ZCCHC4: variants seen among roughly 807,000 people sequenced by gnomAD.
The protein encoded by ZCCHC4 is rRNA N(6)-adenosine-methyltransferase ZCCHC4.
A neutral mutation model predicts 67.7 loss-of-function variants in ZCCHC4; 54 were observed. The observed-to-expected ratio is 0.80, with a 90% CI of 0.64 to 1.00. ZCCHC4 has a LOEUF of 1.00. Ranked by LOEUF, ZCCHC4 falls within the 50% of genes least tolerant of loss-of-function variation. The pLI is 0.00. For synonymous variants in ZCCHC4, 198 were observed against 213.5 expected, an observed-to-expected ratio of 0.93 and a Z score of 0.63; for missense variants, 609 against 617.0, an observed-to-expected ratio of 0.99 and a Z score of 0.14.
chr4:25,317,528 A>G (rs1004375955), intron 3 of ZCCHC4, among the ~76,000 whole-genome samples: 5 of 152,000 alleles, frequency 3.3e-5, no homozygotes, highest in African/African-American at 1.2e-4. Context: ...CCTGGCCAAC[A>G]TGGTGAAATC....
At chr4:25,357,232 A>T (rs928383085) in intron 8 of ZCCHC4, among the ~76,000 whole-genome samples, 3 of 152,212 alleles carry the variant, frequency 2.0e-5, no homozygotes, top group Admixed American at 6.5e-5. Flanking sequence ...TTTTCTGGAT[A>T]AACATCCCCA....
intron 3 of ZCCHC4, among the ~76,000 whole-genome samples, chr4:25,331,212 T>C (rs1327371868): frequency 1.3e-5 from 2 of 152,186 alleles, no homozygotes; most frequent in Non-Finnish European, 2.9e-5. Flanking sequence ...TTCAAACTGC[T>C]TTTTCATATA....
intron 3 of ZCCHC4, among the ~76,000 whole-genome samples, chr4:25,320,695 T>G (rs1718538134): frequency 6.6e-6 from 1 of 152,258 alleles, no homozygotes. Context: ...AGTTGCTGAT[T>G]ATGTTGTGAT....
chr4:25,357,780 C>G (rs1720572389), intron 8 of ZCCHC4, among the ~76,000 whole-genome samples: 1 of 152,146 alleles, frequency 6.6e-6, no homozygotes, highest in African/African-American at 2.4e-5. Flanking sequence ...CATAAAAAAC[C>G]TCATGGTATT....
intron 3 of ZCCHC4, among the ~76,000 whole-genome samples, chr4:25,316,230 A>G (rs990458565): frequency 5.3e-5 from 8 of 152,196 alleles, no homozygotes; most frequent in African/African-American, 1.7e-4. Flanking sequence ...TCATCTGTTG[A>G]TGGACACTTG....
At chr4:25,349,834 A>AT (rs1467784104) in intron 7 of ZCCHC4, 192 bp downstream of exon 7, 7 of 597,880 alleles carry the variant, frequency 1.2e-5, no homozygotes, top group African/African-American at 5.7e-5. Context: ...AATCATGTGG[A>AT]TTTTTTTAAT....
At chr4:25,352,443 C>G (rs1720346737) in intron 8 of ZCCHC4, 3 of 969,896 alleles carry the variant, frequency 3.1e-6, no homozygotes, top group Non-Finnish European at 2.5e-6. Context: ...GAGTCTCACT[C>G]TGTCACCCAG....
At chr4:25,313,039 T>C in intron 1 of ZCCHC4, 103 bp downstream of exon 1, 2 of 1,496,726 alleles carry the variant, frequency 1.3e-6, no homozygotes, top group Non-Finnish European at 1.8e-6. Context: ...CCTCTTTCCC[T>C]CACCAGTGTG....
intron 8 of ZCCHC4, among the ~76,000 whole-genome samples, chr4:25,358,521 A>G (rs968028235): frequency 1.3e-5 from 2 of 152,252 alleles, no homozygotes; most frequent in African/African-American, 4.8e-5. Context: ...ATACTAGACA[A>G]TGTGAATTTG....
At chr4:25,353,095 C>G (rs180843894) in intron 8 of ZCCHC4, among the ~76,000 whole-genome samples, 20 of 152,322 alleles carry the variant, frequency 1.3e-4, no homozygotes, top group Non-Finnish European at 2.5e-4. Context: ...GCTACACAAT[C>G]TTTATGCTTT....
rs767524442 is a variant in ZCCHC4, at chr4:25,349,564, C to T, written c.832C>T (p.Pro278Ser). 1.9e-6 allele frequency: 3 copies of T among 1,613,902 alleles called. No individual in the cohort carries two copies. The highest frequency in any genetic ancestry group is 2.2e-5 in the East Asian group (1 of 44,888). Residue 278 changes from proline (P) to serine (S), a missense_variant, in exon 7 of 13, where the codon CCG (proline) becomes TCG (serine). Transcript: ENST00000302874. Reference protein sequence around the residue: ...GEGIIMVTDPPFGGLVEPLAI... With the variant: ...GEGIIMVTDPSFGGLVEPLAI... ...AGGAATCATTATGGTGACGGATCCT[C>T]CGTTTGGTGGCTTGGTTGAACCTCT... is the stretch of plus-strand genomic sequence containing the variant.
At chr4:25,344,383 G>C (rs1004199991) in intron 5 of ZCCHC4, among the ~76,000 whole-genome samples, 65 of 142,572 alleles carry the variant, frequency 4.6e-4, no homozygotes, top group South Asian at 6.7e-4. Context: ...AACACCGCAT[G>C]TTCTCACTCA....
At chr4:25,339,243 G>C (rs1394053774) in intron 5 of ZCCHC4, among the ~76,000 whole-genome samples, 1 of 152,184 alleles carries the variant, frequency 6.6e-6, no homozygotes, top group Non-Finnish European at 1.5e-5. Flanking sequence ...ACATTCTGAA[G>C]TACTGGTGAT....
intron 12 of ZCCHC4, 61 bp downstream of exon 12, chr4:25,365,227 C>T: frequency 6.3e-7 from 1 of 1,586,954 alleles, no homozygotes; most frequent in Non-Finnish European, 8.6e-7. Context: ...GGATAATCCA[C>T]AAAAGCATGC....
At chr4:25,321,615 T>A (rs909361679) in intron 3 of ZCCHC4, among the ~76,000 whole-genome samples, 8 of 152,000 alleles carry the variant, frequency 5.3e-5, no homozygotes, top group African/African-American at 1.9e-4. Flanking sequence ...TCAAGTGATC[T>A]ACCCGCCTCA....
rs184900015 is a variant in ZCCHC4, at chr4:25,359,223, A to C, written c.1012-2636A>C. On this transcript the variant is annotated intron_variant, in intron 8 of 12. Transcript: ENST00000302874. This position sits in a 1 kb window ranked among gnomAD's most constrained non-coding sequence, Gnocchi z 4.9. The stretch of plus-strand genomic sequence containing the variant: ...AAATGCAGAGCACTGAGAAGGAATG[A>C]GCTTTTGCCAGCAGAGTTGGATGGG... Among the ~76,000 whole-genome samples the C allele has an allele frequency of 6.6e-6, 1 of 152,286 alleles. No individual in the cohort carries two copies. Among genetic ancestry groups the C allele is most frequent in the African/African-American group, 2.4e-5 (1 of 41,566 alleles).
At chr4:25,336,900 C>T (rs1361736550) in intron 5 of ZCCHC4, among the ~76,000 whole-genome samples, 1 of 152,174 alleles carries the variant, frequency 6.6e-6, no homozygotes, top group Non-Finnish European at 1.5e-5. Context: ...GATGAGAAAA[C>T]TGAGGCATAA....
intron 3 of ZCCHC4, among the ~76,000 whole-genome samples, chr4:25,318,055 G>C (rs113351160): frequency 5.9e-5 from 9 of 152,210 alleles, no homozygotes; most frequent in African/African-American, 2.2e-4. Flanking sequence ...TATTGAAGAC[G>C]GAGAAAGTAG....
chr4:25,332,075 A>T (rs1008905457), intron 3 of ZCCHC4, among the ~76,000 whole-genome samples: 14 of 152,244 alleles, frequency 9.2e-5, no homozygotes, highest in African/African-American at 3.4e-4. Context: ...TGGGAGGCCA[A>T]GGCGGGCGGA....
Sources: allele counts gnomAD v4.1 joint callset (sites outside exome capture counted in the v4.1 genomes callset), GRCh38; gene constraint gnomAD v4.1.1; non-coding constraint Gnocchi (gnomAD v3.1); transcripts MANE v1.5; gene names NCBI Gene and HGNC (gene_info 2026-07-23, HGNC 2026-07-21).